PCDHA4: variants seen among roughly 807,000 people sequenced by gnomAD.
PCDHA4 encodes the protein protocadherin alpha 4, also known as protocadherin alpha-4.
A neutral mutation model predicts 61.4 loss-of-function variants in PCDHA4; 49 were observed. That is an observed-to-expected ratio of 0.80 (90% CI 0.63 to 1.01). The LOEUF (loss-of-function observed/expected upper bound fraction) is 1.01. Among genes scored for constraint, PCDHA4 ranks in the 50% least tolerant of loss-of-function variants. PCDHA4 has a pLI of 0.00. For synonymous variants in PCDHA4, 590 were observed against 550.3 expected, an observed-to-expected ratio of 1.07 and a Z score of -1.01; for missense variants, 1,254 against 1,235.8, an observed-to-expected ratio of 1.01 and a Z score of -0.22.
At chr5:140,865,092 AG>A (rs2153225895) in intron 1 of PCDHA4, 1 of 152,364 alleles carries the variant, frequency 6.6e-6, no homozygotes, top group East Asian at 1.9e-4. Context: ...ATATTAATAA[AG>A]GCACTTCCAC....
At chr5:140,985,317 A>C (rs1457089100) in intron 3 of PCDHA4, among the ~76,000 whole-genome samples, 1 of 152,134 alleles carries the variant, frequency 6.6e-6, no homozygotes, top group Non-Finnish European at 1.5e-5. Flanking sequence ...TGGTGGCCAG[A>C]ATTCAGTAGT....
chr5:140,856,364 G>A (rs782661319), intron 1 of PCDHA4: 1 of 1,598,600 alleles, frequency 6.3e-7, no homozygotes, highest in Non-Finnish European at 8.6e-7. Context: ...CATCCACCTG[G>A]AGGTGATCGT....
At chr5:140,892,021 G>T (rs2063355611) in intron 1 of PCDHA4, among the ~76,000 whole-genome samples, 1 of 152,160 alleles carries the variant, frequency 6.6e-6, no homozygotes, top group Non-Finnish European at 1.5e-5. Context: ...AGCACAAATG[G>T]TCTAAGATAC....
intron 1 of PCDHA4, among the ~76,000 whole-genome samples, chr5:140,839,447 T>C (rs2150297946): frequency 3.3e-5 from 5 of 151,970 alleles, no homozygotes; most frequent in Non-Finnish European, 5.9e-5. Flanking sequence ...TGCAGTGCAG[T>C]GGCACAATCT....
intron 1 of PCDHA4, chr5:140,883,045 A>G: frequency 1.2e-6 from 2 of 1,614,190 alleles, no homozygotes; most frequent in Non-Finnish European, 1.7e-6. Context: ...TCAATGGAAC[A>G]TTAGTGATCA....
intron 1 of PCDHA4, among the ~76,000 whole-genome samples, chr5:140,945,003 C>A (rs2093723763): frequency 6.6e-6 from 1 of 152,064 alleles, no homozygotes; most frequent in South Asian, 2.1e-4. Flanking sequence ...GGTTGTGGGT[C>A]ATGAATTATT....
chr5:140,966,546 C>T, intron 1 of PCDHA4: 1 of 466,228 alleles, frequency 2.1e-6, no homozygotes, highest in Non-Finnish European at 3.7e-6. Context: ...GACTCGGAGG[C>T]GAGCGGAGGA....
chr5:140,967,838 G>A, intron 1 of PCDHA4: 1 of 1,614,124 alleles, frequency 6.2e-7, no homozygotes, highest in Non-Finnish European at 8.5e-7. Flanking sequence ...CATCGTGGAC[G>A]TGAATGACAA....
intron 1 of PCDHA4, chr5:140,968,461 C>G (rs141568667): frequency 1.4e-5 from 22 of 1,614,078 alleles, no homozygotes; most frequent in Non-Finnish European, 1.9e-5. Context: ...CTGTGACTGC[C>G]AACGTATATG....
chr5:140,984,138 G>A (rs1476039645), intron 3 of PCDHA4, among the ~76,000 whole-genome samples: 1 of 152,194 alleles, frequency 6.6e-6, no homozygotes, highest in East Asian at 1.9e-4. Flanking sequence ...GGATGTGGAG[G>A]CATCTGGGAA....
intron 3 of PCDHA4, 125 bp downstream of exon 3, chr5:140,982,688 A>G: frequency 6.4e-6 from 9 of 1,415,764 alleles, no homozygotes; most frequent in African/African-American, 1.4e-5. Flanking sequence ...CCTTTTTTCC[A>G]TACATACATG....
chr5:140,811,615 A>G (rs2126630060), intron 1 of PCDHA4: 1 of 152,346 alleles, frequency 6.6e-6, no homozygotes, highest in South Asian at 2.1e-4. Flanking sequence ...CACTCCCACC[A>G]ACGGTGTAAA....
chr5:140,925,254 A>G (rs1554202655), intron 1 of PCDHA4, among the ~76,000 whole-genome samples: 1 of 152,188 alleles, frequency 6.6e-6, no homozygotes, highest in African/African-American at 2.4e-5. Context: ...GGAAACTTTA[A>G]TTCTTGATCT....
intron 1 of PCDHA4, chr5:140,857,553 C>A: frequency 1.3e-6 from 2 of 1,597,008 alleles, no homozygotes; most frequent in Non-Finnish European, 1.7e-6. Flanking sequence ...GGCGAGCGCT[C>A]GCTGTCGAGC....
intron 1 of PCDHA4, chr5:140,871,710 C>A: frequency 3.6e-6 from 3 of 826,484 alleles, no homozygotes; most frequent in South Asian, 4.5e-5. Flanking sequence ...AATAAATGTC[C>A]TATTTCTCTT....
chr5:140,927,451 T>C (rs782170767), intron 1 of PCDHA4: 4 of 1,614,082 alleles, frequency 2.5e-6, no homozygotes, highest in South Asian at 1.1e-5. Context: ...GGAGTTGGTG[T>C]TGGAGAAAGC....
intron 1 of PCDHA4, chr5:140,876,114 A>G: frequency 2.5e-6 from 4 of 1,613,960 alleles, no homozygotes; most frequent in Non-Finnish European, 3.4e-6. Context: ...TGCTGATGGT[A>G]ATCGATGGCG....
At chr5:140,876,607 T>C in intron 1 of PCDHA4, 1 of 1,614,186 alleles carries the variant, frequency 6.2e-7, no homozygotes, top group Non-Finnish European at 8.5e-7. Flanking sequence ...GGATCGTGAC[T>C]CTGGAGCCAA....
intron 1 of PCDHA4, chr5:140,841,230 G>A: frequency 2.1e-6 from 3 of 1,461,326 alleles, no homozygotes; most frequent in Non-Finnish European, 2.8e-6. Context: ...AACAACGGGA[G>A]ATGCAGCGGA....
Sources: allele counts gnomAD v4.1 joint callset (sites outside exome capture counted in the v4.1 genomes callset), GRCh38; gene constraint gnomAD v4.1.1; transcripts MANE v1.5; gene names NCBI Gene and HGNC (gene_info 2026-07-23, HGNC 2026-07-21).